Variants in PKHD1 observed in about 807,000 individuals in gnomAD.
The protein encoded by PKHD1 is PKHD1 ciliary IPT domain containing fibrocystin/polyductin.
In PKHD1, 291 loss-of-function variants were observed where a neutral mutation model predicts 412.0. The observed-to-expected ratio is 0.71, with a 90% CI of 0.64 to 0.78. The LOEUF is 0.78. Ranked by LOEUF, PKHD1 falls within the 30% of genes least tolerant of loss-of-function variation. PKHD1 has a pLI of 0.00. For missense variants in PKHD1, 4,825 were observed against 4,950.7 expected (o/e 0.97, Z 0.76); for synonymous variants, 1,777 against 1,821.5 (o/e 0.98, Z 0.62).
chr6:51,740,287 C>G (rs780800953), intron 60 of PKHD1, among the ~76,000 whole-genome samples: 5 of 152,200 alleles, frequency 3.3e-5, no homozygotes, highest in Non-Finnish European at 2.9e-5. Context: ...CAGAGCTGAT[C>G]CACATGGATG....
At chr6:51,825,702 T>C (rs1257216898) in intron 52 of PKHD1, among the ~76,000 whole-genome samples, 1 of 152,102 alleles carries the variant, frequency 6.6e-6, no homozygotes, top group Admixed American at 6.6e-5. Context: ...CAAAATAAAA[T>C]GTGTGTTTTA....
chr6:51,836,424 C>T lies in PKHD1; in HGVS notation c.8153G>A (p.Gly2718Asp), dbSNP rs1451184441. Residue 2718 changes from glycine to aspartate, a missense_variant, in exon 51 of 67, where the codon GGT (glycine) becomes GAT (aspartate). By Grantham distance (94) the Gly-to-Asp change is moderately conservative (BLOSUM62 -1). Coordinates refer to ENST00000371117, the MANE Select transcript of PKHD1 (RefSeq NM_138694.4). Reference sequence around the variant, plus strand: ...CTCACCTGAAATAGTTGGGGGCATACCTTCCTTCACCCGGAGAATGACTTG... The same window carrying T: ...CTCACCTGAAATAGTTGGGGGCATATCTTCCTTCACCCGGAGAATGACTTG... ...QVQVILRVKE[G>D]MPPTISASTS... 4 of 1,612,696 alleles carry T rather than the reference C, an allele frequency of 2.5e-6. No homozygotes were observed. Among genetic ancestry groups the T allele is most frequent in the Admixed American group, 1.7e-5 (1 of 59,998 alleles).
intron 60 of PKHD1, among the ~76,000 whole-genome samples, chr6:51,679,632 T>C (rs17740537): frequency 0.018 from 2,739 of 152,030 alleles, 39 homozygotes; most frequent in Non-Finnish European, 0.029. Flanking sequence ...TAGTCAAGAA[T>C]TTCCAAGGAA....
At chr6:51,821,612 T>G (rs114690080) in intron 52 of PKHD1, among the ~76,000 whole-genome samples, 1,757 of 152,320 alleles carry the variant, frequency 0.012, 22 homozygotes, top group Admixed American at 0.015. Flanking sequence ...TTATACATAA[T>G]CTCCTAAATT....
At chr6:51,840,660 CA>C (rs773920645) in intron 50 of PKHD1, among the ~76,000 whole-genome samples, 6 of 151,848 alleles carry the variant, frequency 4.0e-5, no homozygotes, top group Non-Finnish European at 8.8e-5. Flanking sequence ...ACACAGGAGG[CA>C]AAAAAACACA....
intron 52 of PKHD1, among the ~76,000 whole-genome samples, chr6:51,826,209 T>C (rs1259323714): frequency 6.6e-6 from 1 of 152,168 alleles, no homozygotes; most frequent in Non-Finnish European, 1.5e-5. Context: ...TCTTTGAACA[T>C]CACACGACTT....
chr6:51,758,416 T>C (rs1787428950), intron 55 of PKHD1, among the ~76,000 whole-genome samples: 2 of 152,110 alleles, frequency 1.3e-5, no homozygotes, highest in South Asian at 4.1e-4. Context: ...AATTCCAACA[T>C]CCACTATTCC....
chr6:51,749,844 G>C (rs147148920), intron 57 of PKHD1, among the ~76,000 whole-genome samples: 151 of 152,220 alleles, frequency 9.9e-4, no homozygotes, highest in African/African-American at 3.6e-3. Context: ...CTATAGCTAT[G>C]AGCCAATAAT....
At chr6:51,800,906 T>C (rs1032640014) in intron 52 of PKHD1, among the ~76,000 whole-genome samples, 1 of 152,214 alleles carries the variant, frequency 6.6e-6, no homozygotes, top group South Asian at 2.1e-4. Context: ...ATACAAGGAC[T>C]ATTTGTGGGC....
chr6:52,004,509 C>T (rs1364250686), intron 35 of PKHD1, among the ~76,000 whole-genome samples: 1 of 151,938 alleles, frequency 6.6e-6, no homozygotes, highest in Non-Finnish European at 1.5e-5. Context: ...GCATATTTTG[C>T]TTTTTTTCTC....
Position 51,650,424 on chromosome 6 carries a change from G to C in PKHD1, c.11175-1204C>G, listed in dbSNP as rs115142845. Among the ~76,000 whole-genome samples, 876 of 149,298 alleles carry C rather than the reference G, an allele frequency of 5.9e-3. 5 individuals carry two copies. Among genetic ancestry groups the C allele is most frequent in the African/African-American group, 0.02 (817 of 41,288 alleles). On this transcript the variant is annotated intron_variant, in intron 61 of 66. Transcript: ENST00000371117. The stretch of plus-strand genomic sequence containing the variant: ...TTGGTGAGTTATCCTCAATAGCCTA[G>C]GCCAGGTCTCATGAGGTATTTATTT...
intron 43 of PKHD1, among the ~76,000 whole-genome samples, chr6:51,888,868 C>T (rs542321589): frequency 2.7e-5 from 4 of 150,314 alleles, no homozygotes; most frequent in Admixed American, 1.3e-4. Flanking sequence ...TGAGAAAAAT[C>T]GGGGCCCTAT....
At chr6:51,944,283 C>A (rs2499468) in intron 36 of PKHD1, among the ~76,000 whole-genome samples, 105,740 of 150,540 alleles carry the variant, frequency 0.7, 37,639 homozygotes, top group East Asian at 0.94. Flanking sequence ...TCCTTTACCT[C>A]CCCAAATCTT....
At chr6:51,805,295 A>G (rs937779399) in intron 52 of PKHD1, among the ~76,000 whole-genome samples, 4 of 152,184 alleles carry the variant, frequency 2.6e-5, no homozygotes, top group Non-Finnish European at 4.4e-5. Context: ...ACTAAATACT[A>G]CATGTTCTCA....
chr6:51,960,892 CAGAA>C (rs760051503), intron 35 of PKHD1, among the ~76,000 whole-genome samples: 17 of 152,238 alleles, frequency 1.1e-4, no homozygotes, highest in East Asian at 5.8e-4. Flanking sequence ...ATAAAAATCA[CAGAA>C]AGCAATATTG....
At chr6:51,767,438 T>C (rs928860181) in intron 55 of PKHD1, among the ~76,000 whole-genome samples, 2 of 152,018 alleles carry the variant, frequency 1.3e-5, no homozygotes, top group African/African-American at 2.4e-5. Context: ...CTGCACCCAT[T>C]AACTCGTCAT....
chr6:51,719,036 A>G (rs1781591769), intron 60 of PKHD1, among the ~76,000 whole-genome samples: 1 of 152,120 alleles, frequency 6.6e-6, no homozygotes, highest in Non-Finnish European at 1.5e-5. Context: ...GCTGGCTAGG[A>G]TGTCTGGATA....
chr6:51,862,080 T>C (rs1774281925), intron 48 of PKHD1, among the ~76,000 whole-genome samples: 1 of 152,150 alleles, frequency 6.6e-6, no homozygotes, highest in African/African-American at 2.4e-5. Flanking sequence ...AAGAAGCTTG[T>C]CCTCCCATAT....
chr6:51,664,961 T>C (rs906008056), intron 60 of PKHD1, among the ~76,000 whole-genome samples: 2 of 152,090 alleles, frequency 1.3e-5, no homozygotes, highest in Admixed American at 1.3e-4. Context: ...ATATTAGTTA[T>C]TATAAAATAT....
Sources: allele counts gnomAD v4.1 joint callset (sites outside exome capture counted in the v4.1 genomes callset), GRCh38; gene constraint gnomAD v4.1.1; transcripts MANE v1.5; gene names NCBI Gene and HGNC (gene_info 2026-07-23, HGNC 2026-07-21).